Variants in BRF1 observed in about 807,000 individuals in gnomAD.
BRF1 encodes the protein BRF1 general transcription factor IIIB subunit.
A neutral mutation model predicts 81.7 loss-of-function variants in BRF1; 59 were observed. That is an observed-to-expected ratio of 0.72 (90% CI 0.59 to 0.90). The LOEUF (loss-of-function observed/expected upper bound fraction) is 0.90, where lower values mean the gene tolerates loss of function less well. Ranked by LOEUF, BRF1 falls within the 40% of genes least tolerant of loss-of-function variation. The probability of loss-of-function intolerance (pLI) is 0.00; values close to 1 mark genes in which losing one functional copy is unlikely to be tolerated. For synonymous variants in BRF1, 491 were observed against 395.6 expected, an observed-to-expected ratio of 1.24 and a Z score of -2.86; for missense variants, 1,050 against 936.3, an observed-to-expected ratio of 1.12 and a Z score of -1.58.
rs761286183 is a variant in BRF1, at chr14:105,241,450, T to C, written c.545-36A>G. On this transcript the variant is annotated intron_variant, in intron 5 of 17. Coordinates refer to ENST00000547530, the MANE Select transcript of BRF1 (RefSeq NM_001519.4). The stretch of plus-strand genomic sequence containing the variant: ...CACAGCACCTCAGTGCCCACCTCCA[T>C]GTGCCATGGCACGTGCACAGGCGGC... The C allele has an allele frequency of 3.7e-6, 6 of 1,606,508 alleles. No homozygotes were observed. The South Asian group carries it at 6.6e-5, about 18-fold the overall frequency.
At position 105,309,911 on chromosome 14, in the gene BRF1, G is replaced by A. The variant is rs911796556; in HGVS notation, c.-162+5411C>T. ...AGCAATTCTCCTGTCTCAGCCTCCCGACTAGCTGGGACTACAGGCGCCCGC... is the reference window on the plus strand; with the variant it reads ...AGCAATTCTCCTGTCTCAGCCTCCCAACTAGCTGGGACTACAGGCGCCCGC... On this transcript the variant is annotated intron_variant, in intron 1 of 17. Coordinates refer to the BRF1 transcript ENST00000327359. The surrounding 1 kb of genome is among the most constrained non-coding windows in gnomAD (Gnocchi z 4.0). Among the ~76,000 whole-genome samples, 20 of 147,984 alleles carry A rather than the reference G, an allele frequency of 1.4e-4. No homozygotes were observed. Among genetic ancestry groups the A allele is most frequent in the African/African-American group, 4.2e-4 (17 of 40,080 alleles).
chr14:105,252,872 C>T (rs587693412), intron 4 of BRF1, among the ~76,000 whole-genome samples: 5 of 152,328 alleles, frequency 3.3e-5, no homozygotes, highest in East Asian at 1.9e-4. Context: ...ACACGGTGCA[C>T]GCAGCATTTC....
chr14:105,248,658 G>A (rs2055332741), intron 5 of BRF1: 3 of 980,868 alleles, frequency 3.1e-6, no homozygotes, highest in Non-Finnish European at 3.6e-6. Flanking sequence ...CGCAGGGGCG[G>A]GGGTGGCAGG....
rs763922838 is a variant in BRF1, at chr14:105,209,466, C to T, written c.*1085G>A. 1 of 699,604 alleles carries T rather than the reference C, an allele frequency of 1.4e-6. No individual in the cohort carries two copies. The highest frequency in any genetic ancestry group is 1.5e-5 in the South Asian group (1 of 67,074). The allele number at this position is 699,604 out of a possible 1,614,324, so 43.3% of individuals were successfully genotyped here. A position where few individuals can be genotyped will look rare whatever the true frequency, so the allele number is the denominator to read the frequency against. ...GCCCATTCCATGGGGAGGATGAGGC[C>T]CCTGGGGGTCAGTGAGGCACGGCTC... On this transcript the variant is annotated 3_prime_UTR_variant, in exon 18 of 18. Coordinates refer to ENST00000547530, the MANE Select transcript of BRF1 (RefSeq NM_001519.4).
chr14:105,304,635 G>C (rs2058129111), upstream of BRF1, among the ~76,000 whole-genome samples: 1 of 151,996 alleles, frequency 6.6e-6, no homozygotes, highest in South Asian at 2.1e-4. Flanking sequence ...CATTGTATCA[G>C]TCTGTTTTCA....
chr14:105,268,540 G>A (rs1246918109), intron 3 of BRF1, among the ~76,000 whole-genome samples: 1 of 152,246 alleles, frequency 6.6e-6, no homozygotes, highest in Admixed American at 6.5e-5. Context: ...ACACACCTGA[G>A]GATCGGGCAA....
chr14:105,292,675 G>A (rs1050124850), intron 1 of BRF1, among the ~76,000 whole-genome samples: 18 of 152,214 alleles, frequency 1.2e-4, no homozygotes, highest in East Asian at 3.9e-4. Context: ...AACACAGAGC[G>A]TGTGCCTACT....
At chr14:105,305,731 C>T (rs1451694021), upstream of BRF1, among the ~76,000 whole-genome samples, 1 of 152,184 alleles carries the variant, frequency 6.6e-6, no homozygotes, top group Non-Finnish European at 1.5e-5. Context: ...CTGCAAGCGC[C>T]CCAGGAAGCT....
rs748479577 is a variant in BRF1, at chr14:105,228,870, C to T, written c.738G>A (p.Val246=). ...CTTTGACCACACTGATGACCTCCTT[C>T]ACAGTCCTCCTGAAGTCATGCATTC... is the stretch of plus-strand genomic sequence containing the variant. ...AARMHDFRRT[V]KEVISVVKVC... The change falls in exon 7 of 18, where the codon GTG becomes GTA. Residue 246 remains valine (V), a synonymous_variant. Transcript: ENST00000547530. The T allele has an allele frequency of 1.9e-5, 30 of 1,613,768 alleles. No homozygotes were observed. The highest frequency in any genetic ancestry group is 1.6e-4 in the Middle Eastern group (1 of 6,082).
Position 105,226,672 on chromosome 14 carries a change from AG to A in BRF1, c.876del (p.Ser293ArgfsTer11). The A allele has an allele frequency of 6.2e-7, 1 of 1,613,330 alleles. No homozygotes were observed. Among genetic ancestry groups the A allele is most frequent in the Non-Finnish European group, 8.5e-7 (1 of 1,179,994 alleles). ...KIDLEEECDP[P>X]SYTAGQRKLR... ...AGCTTCCTCTGCCCAGCTGTGTACG[AG>A]GGGGGGTCGCACTCCTCCTCCAGGT... is the stretch of plus-strand genomic sequence containing the variant. On this transcript the variant is annotated frameshift_variant, in exon 8 of 18. Transcript: ENST00000547530. LOFTEE classifies it high-confidence loss of function.
intron 10 of BRF1, chr14:105,222,423 G>C (rs1261976959): frequency 6.5e-6 from 1 of 153,256 alleles, no homozygotes; most frequent in East Asian, 1.9e-4. Flanking sequence ...GAACACTCCG[G>C]CGAAGACGAC....
chr14:105,241,318 A>G lies in BRF1; in HGVS notation c.641T>C (p.Met214Thr), dbSNP rs780827424. 1 of 1,612,722 alleles carries G rather than the reference A, an allele frequency of 6.2e-7. No individual in the cohort carries two copies. Among genetic ancestry groups the G allele is most frequent in the Non-Finnish European group, 8.5e-7 (1 of 1,179,934 alleles). Residue 214 changes from methionine to threonine, a missense_variant, in exon 6 of 18, where the codon ATG becomes ACG. Around this residue, in one of 2 missense-constraint regions of BRF1, gnomAD observed 1,043 missense variants for 915.4 expected, o/e 1.14. Coordinates refer to ENST00000547530, the MANE Select transcript of BRF1 (RefSeq NM_001519.4). ...GCCTGTGTGCATCCAGTCCCGCTTCATCCTCTGTAGGAGCCTCAGGGCAGT... is the reference window on the plus strand; with the variant it reads ...GCCTGTGTGCATCCAGTCCCGCTTCGTCCTCTGTAGGAGCCTCAGGGCAGT... ...SMTALRLLQR[M>T]KRDWMHTGRR...
At chr14:105,247,912 G>T in intron 5 of BRF1, 1 of 985,402 alleles carries the variant, frequency 1.0e-6, no homozygotes. Context: ...GCCCCAGGCC[G>T]GGAGGCTAGA....
chr14:105,228,776 G>A (rs754697614), intron 7 of BRF1, 44 bp downstream of exon 7: 5 of 1,606,364 alleles, frequency 3.1e-6, no homozygotes, highest in Non-Finnish European at 4.3e-6. Flanking sequence ...CTGGACTGAT[G>A]AAGCCTCTGT....
chr14:105,223,065 C>T (rs587707491), intron 10 of BRF1, among the ~76,000 whole-genome samples: 44 of 152,170 alleles, frequency 2.9e-4, no homozygotes, highest in Non-Finnish European at 5.4e-4. Flanking sequence ...TGGTGGTGCC[C>T]GCCTGCAGTC....
Position 105,241,275 on chromosome 14 carries a change from G to C in BRF1, c.684C>G (p.Leu228=). The C allele has an allele frequency of 6.2e-7, 1 of 1,611,852 alleles. No individual in the cohort carries two copies. The highest frequency in any genetic ancestry group is 8.5e-7 in the Non-Finnish European group (1 of 1,179,766). ...WMHTGRRPSG[L]CGAALLVAAR... is the part of the protein sequence containing the mutation. ...CAGGGCCCGCTGTACCTGCTCCGCA[G>C]AGGCCCGAGGGGCGCCGGCCTGTGT... Residue 228 remains leucine, a synonymous_variant, in exon 6 of 18, where the codon CTC becomes CTG. Coordinates refer to ENST00000547530, the MANE Select transcript of BRF1 (RefSeq NM_001519.4).
chr14:105,294,535 G>T (rs587690410), intron 1 of BRF1, among the ~76,000 whole-genome samples: 1 of 152,344 alleles, frequency 6.6e-6, no homozygotes, highest in African/African-American at 2.4e-5. Flanking sequence ...AGACATCCAA[G>T]TCTTGGCAAC....
rs1472627627 is a variant in BRF1, at chr14:105,300,475, G to A, written c.155C>T (p.Ser52Leu). 7.2e-6 allele frequency: 11 copies of A among 1,534,240 alleles called. 1 individual carries two copies. Among genetic ancestry groups the A allele is most frequent in the East Asian group, 5.0e-5 (2 of 39,986 alleles). The change falls in exon 1 of 18, where the codon TCG becomes TTG. Residue 52 changes from serine (S) to leucine (L), a missense_variant. Physicochemically the swap from Ser to Leu is moderately radical, Grantham distance 145. Transcript: ENST00000547530. ...CAGGGACACGAACTGGCCCACGGCC[G>A]AGGAGCCGCCGCCGCTGCTCTCCAC... ...QFVESSGGGS[S>L]AVGQFVSLDG...
intron 1 of BRF1, 41 bp downstream of exon 1, chr14:105,300,405 C>T: frequency 6.7e-7 from 1 of 1,486,702 alleles, no homozygotes; most frequent in Non-Finnish European, 8.9e-7. Flanking sequence ...CCGCCTAAGC[C>T]GCACCGAGAA....
Sources: allele counts gnomAD v4.1 joint callset (sites outside exome capture counted in the v4.1 genomes callset), GRCh38; gene constraint gnomAD v4.1.1; regional missense constraint gnomAD v4.1.1; non-coding constraint Gnocchi (gnomAD v3.1); transcripts MANE v1.5; gene names NCBI Gene and HGNC (gene_info 2026-07-23, HGNC 2026-07-21).